Variants in ARHGAP44 observed in about 807,000 individuals in gnomAD.
ARHGAP44 encodes the protein rho GTPase-activating protein 44.
Under a neutral mutation model 106.8 loss-of-function variants are expected in ARHGAP44, and 43 were observed. That is an observed-to-expected ratio of 0.40 (90% CI 0.32 to 0.52). ARHGAP44 has a LOEUF of 0.52. ARHGAP44 is among the 20% of genes least tolerant of loss of function. The pLI is 0.48. For synonymous variants in ARHGAP44, 439 were observed against 410.3 expected (o/e 1.07, Z -0.85); for missense variants, 866 against 1,050.5 (o/e 0.82, Z 2.43).
At chr17:12,980,320 A>T in intron 19 of ARHGAP44, 87 bp downstream of exon 19, 2 of 1,398,004 alleles carry the variant, frequency 1.4e-6, no homozygotes, top group Non-Finnish European at 1.9e-6. Context: ...ATGAACTTGG[A>T]TATTGAGAAA....
At chr17:12,915,243 T>A (rs1431445460) in intron 4 of ARHGAP44, among the ~76,000 whole-genome samples, 1 of 152,228 alleles carries the variant, frequency 6.6e-6, no homozygotes, top group Non-Finnish European at 1.5e-5. Flanking sequence ...TTCACCATGT[T>A]GCCCAGGCTG....
At chr17:12,870,381 T>G (rs1567659681) in intron 1 of ARHGAP44, among the ~76,000 whole-genome samples, 1 of 152,140 alleles carries the variant, frequency 6.6e-6, no homozygotes, top group Non-Finnish European at 1.5e-5. Context: ...TTCTACATTT[T>G]TAGCCTTTTA....
chr17:12,955,574 A>G (rs2039106087), intron 13 of ARHGAP44, among the ~76,000 whole-genome samples: 1 of 152,154 alleles, frequency 6.6e-6, no homozygotes, highest in Admixed American at 6.5e-5. Context: ...GTAAAAAGTG[A>G]GGCACTTCAG....
Position 12,823,301 on chromosome 17 carries a change from C to A in ARHGAP44, c.53+33410C>A, listed in dbSNP as rs556899034. 7.9e-5 allele frequency among the ~76,000 whole-genome samples: 12 copies of A among 152,232 alleles called. No individual in the cohort carries two copies. The South Asian group carries it at 2.5e-3, about 32-fold the overall frequency. On this transcript the variant is annotated intron_variant, in intron 1 of 20. Coordinates refer to ENST00000379672, the MANE Select transcript of ARHGAP44 (RefSeq NM_014859.6). The stretch of plus-strand genomic sequence containing the variant: ...CTTGACCACTCAACTTAAGTGAGCC[C>A]CAATTCTTGCCTCACATCCTTTTGT...
chr17:12,919,771 T>G lies in ARHGAP44; in HGVS notation c.404T>G (p.Ile135Ser). 6.2e-7 allele frequency: 1 copy of G among 1,612,900 alleles called. No individual in the cohort carries two copies. Among genetic ancestry groups the G allele is most frequent in the Non-Finnish European group, 8.5e-7 (1 of 1,179,416 alleles). The part of the protein sequence containing the change: ...FLLAEVEIPN[I>S]QKQRKHLAKL... ...TAACCACAGGTGGAAATCCCAAATA[T>G]TCAAAAGCAGAGGAAACACTTAGCC... The change falls in exon 6 of 21, where the codon ATT becomes AGT. Residue 135 changes from isoleucine to serine, a missense_variant. This residue lies in a region of ARHGAP44 where 448 missense variants were observed against 646.9 expected (regional missense o/e 0.69). Coordinates refer to ENST00000379672, the MANE Select transcript of ARHGAP44 (RefSeq NM_014859.6).
chr17:12,934,137 G>A (rs1230853720), intron 7 of ARHGAP44, among the ~76,000 whole-genome samples: 6 of 152,194 alleles, frequency 3.9e-5, no homozygotes, highest in East Asian at 3.8e-4. Flanking sequence ...GTGAGCCACC[G>A]TGCCTGGTCA....
intron 20 of ARHGAP44, chr17:12,987,386 G>A (rs1486067902): frequency 2.2e-6 from 1 of 447,240 alleles, no homozygotes; most frequent in Non-Finnish European, 4.0e-6. Context: ...GGAGAACCCA[G>A]CCAGCCCCTT....
chr17:12,823,007 G>T (rs568880166), intron 1 of ARHGAP44, among the ~76,000 whole-genome samples: 209 of 152,262 alleles, frequency 1.4e-3, no homozygotes, highest in African/African-American at 4.6e-3. Context: ...AAATCGGCCT[G>T]GGTAAAATGT....
Position 12,954,330 on chromosome 17 carries a change from A to C in ARHGAP44, c.1137-1537A>C, listed in dbSNP as rs2039075102. Among the ~76,000 whole-genome samples the C allele has an allele frequency of 2.0e-5, 3 of 152,218 alleles. No individual in the cohort carries two copies. The South Asian group carries it at 6.2e-4, about 31-fold the overall frequency. On this transcript the variant is annotated intron_variant, in intron 13 of 20. Transcript: ENST00000379672. Reference sequence around the variant, plus strand: ...AAATTGTACGTCTAAAAATGGCTAAAGTAGTAAATTGTACGTATATTACAA... The same window carrying C: ...AAATTGTACGTCTAAAAATGGCTAACGTAGTAAATTGTACGTATATTACAA...
intron 1 of ARHGAP44, among the ~76,000 whole-genome samples, chr17:12,823,109 A>T (rs982090123): frequency 6.6e-6 from 1 of 152,066 alleles, no homozygotes; most frequent in African/African-American, 2.4e-5. Context: ...TTTTGGGAGG[A>T]CATGATTGTC....
intron 1 of ARHGAP44, among the ~76,000 whole-genome samples, chr17:12,837,616 T>A (rs2035274603): frequency 6.6e-6 from 1 of 151,486 alleles, no homozygotes; most frequent in Non-Finnish European, 1.5e-5. Context: ...TTTTTTTTTT[T>A]AAATCAGGCC....
intron 8 of ARHGAP44, 142 bp downstream of exon 8, chr17:12,941,266 C>A (rs2150981049): frequency 1.4e-6 from 1 of 691,880 alleles, no homozygotes; most frequent in Non-Finnish European, 2.4e-6. Context: ...ATAAATCCTG[C>A]CATGCTCCTG....
intron 19 of ARHGAP44, among the ~76,000 whole-genome samples, chr17:12,981,959 C>G (rs748378337): frequency 6.6e-6 from 1 of 152,050 alleles, no homozygotes; most frequent in Non-Finnish European, 1.5e-5. Flanking sequence ...TGCACTGAGC[C>G]AAGATCGTGC....
chr17:12,943,097 G>T (rs892601730), intron 8 of ARHGAP44, among the ~76,000 whole-genome samples: 10 of 152,028 alleles, frequency 6.6e-5, no homozygotes, highest in African/African-American at 2.4e-4. Context: ...TTAAGAGATG[G>T]GGTCTTGCTA....
intron 1 of ARHGAP44, among the ~76,000 whole-genome samples, chr17:12,807,744 CT>C (rs1288223422): frequency 6.6e-6 from 1 of 152,174 alleles, no homozygotes; most frequent in African/African-American, 2.4e-5. Context: ...TATTCCACCC[CT>C]GACCCCTCCC....
chr17:12,894,283 TAAAG>T (rs1232039345), intron 1 of ARHGAP44, among the ~76,000 whole-genome samples: 2 of 151,204 alleles, frequency 1.3e-5, no homozygotes, highest in Non-Finnish European at 2.9e-5. Context: ...TGTTGTCAGA[TAAAG>T]AGAGAGTGAG....
At chr17:12,987,021 CTTT>C (rs3076704) in intron 20 of ARHGAP44, 28,346 of 911,334 alleles carry the variant, frequency 0.031, 1 homozygote, top group South Asian at 0.037. Context: ...ATTGGCATAG[CTTT>C]TTTTTTTTTT....
At chr17:12,847,726 C>T (rs1345751863) in intron 1 of ARHGAP44, among the ~76,000 whole-genome samples, 2 of 151,512 alleles carry the variant, frequency 1.3e-5, no homozygotes, top group East Asian at 1.9e-4. Flanking sequence ...ACCGTGGTCT[C>T]GATCTTCTGA....
At chr17:12,905,254 A>T (rs184877224) in intron 3 of ARHGAP44, among the ~76,000 whole-genome samples, 65 of 152,268 alleles carry the variant, frequency 4.3e-4, no homozygotes, top group Admixed American at 1.8e-3. Context: ...GGGAGAGGTT[A>T]TGCTCCTTGT....
Sources: allele counts gnomAD v4.1 joint callset (sites outside exome capture counted in the v4.1 genomes callset), GRCh38; gene constraint gnomAD v4.1.1; regional missense constraint gnomAD v4.1.1; transcripts MANE v1.5; gene names NCBI Gene and HGNC (gene_info 2026-07-23, HGNC 2026-07-21).